The following ZNF431 variants were observed in gnomAD, a reference collection of about 807,000 sequenced individuals.
ZNF431 encodes the protein zinc finger protein 431.
A neutral mutation model predicts 57.0 loss-of-function variants in ZNF431; 34 were observed. That is an observed-to-expected ratio of 0.60 (90% CI 0.45 to 0.79). The LOEUF (loss-of-function observed/expected upper bound fraction) is 0.79. Among genes scored for constraint, ZNF431 ranks in the 30% least tolerant of loss-of-function variants. The pLI, the probability that ZNF431 is intolerant of heterozygous loss-of-function variation, is 0.00. For missense variants in ZNF431, 607 were observed against 667.1 expected (o/e 0.91, Z 0.99); for synonymous variants, 207 against 220.3 (o/e 0.94, Z 0.54).
chr19:21,152,366 T>C (rs2144944413), intron 2 of ZNF431, among the ~76,000 whole-genome samples: 2 of 152,212 alleles, frequency 1.3e-5, no homozygotes. Context: ...AGGAAAGAGA[T>C]TTTTTTCCCA....
chr19:21,181,404 A>G (rs1234583286), intron 4 of ZNF431, among the ~76,000 whole-genome samples: 1 of 152,122 alleles, frequency 6.6e-6, no homozygotes, highest in African/African-American at 2.4e-5. Context: ...CTTTGACTAT[A>G]TCACACAGTT....
rs1205288373 is a variant in ZNF431, at chr19:21,186,796, A to G, written c.*2762A>G. ...TTAGTGCACACAAAATAATCTTTAG[A>G]TGTAATTCCAAAAGTAGTGTATTAA... On this transcript the variant is annotated 3_prime_UTR_variant, in exon 5 of 5. Transcript: ENST00000311048. 6.6e-6 allele frequency: 1 copy of G among 152,182 alleles called. No individual in the cohort carries two copies. Among genetic ancestry groups the G allele is most frequent in the African/African-American group, 2.4e-5 (1 of 41,450 alleles). 9.4% of individuals were successfully genotyped at this position (152,182 alleles called of 1,614,324 possible). A position where few individuals can be genotyped will look rare whatever the true frequency, so the allele number is the denominator to read the frequency against.
Position 21,183,347 on chromosome 19 carries a change from A to T in ZNF431, c.1044A>T (p.Glu348Asp), listed in dbSNP as rs2358962. Residue 348 changes from glutamate to aspartate, a missense_variant, in exon 5 of 5, where the codon GAA becomes GAT. Glu to Asp is a conservative substitution (Grantham distance 45). Coordinates refer to ENST00000311048, the MANE Select transcript of ZNF431 (RefSeq NM_133473.4). ...HAGEKPYKCE[E>D]CDKAFNRFSY... is the part of the protein sequence containing the mutation. ...GAGAGAAACCCTACAAATGTGAGGA[A>T]TGTGACAAAGCTTTTAATCGATTCT... 1 of 1,613,884 alleles carries T rather than the reference A, an allele frequency of 6.2e-7. No homozygotes were observed. The highest frequency in any genetic ancestry group is 8.5e-7 in the Non-Finnish European group (1 of 1,179,886).
chr19:21,167,729 A>AG, intron 4 of ZNF431, 63 bp downstream of exon 4: 1 of 1,071,032 alleles, frequency 9.3e-7, no homozygotes, highest in Non-Finnish European at 1.3e-6. Flanking sequence ...AAAAAAAAAA[A>AG]TGTGCCAGTC....
intron 4 of ZNF431, among the ~76,000 whole-genome samples, chr19:21,167,914 C>T (rs1970769331): frequency 6.6e-6 from 1 of 152,162 alleles, no homozygotes; most frequent in Admixed American, 6.5e-5. Context: ...AGAGCCAAAG[C>T]ATATTGTCAT....
At position 21,184,718 on chromosome 19, in the gene ZNF431, CTG is replaced by C. The variant is rs770641648; in HGVS notation, c.*687_*688del. 5.3e-5 allele frequency: 8 copies of C among 150,456 alleles called. No homozygotes were observed. The highest frequency in any genetic ancestry group is 1.0e-4 in the Non-Finnish European group (7 of 67,768). 9.3% of individuals were successfully genotyped at this position (150,456 alleles called of 1,614,324 possible). On this transcript the variant is annotated 3_prime_UTR_variant, in exon 5 of 5. Coordinates refer to ENST00000311048, the MANE Select transcript of ZNF431 (RefSeq NM_133473.4). ...GAGATAAATTATACAAATATAAAGA[CTG>C]TGAAAAAGCCATCATTATCTGCTCA...
rs1971521279 is a variant in ZNF431 at position 21,192,085 on chromosome 19, C to G, written c.*8051C>G. The G allele has an allele frequency of 6.6e-6, 1 of 152,018 alleles. No individual in the cohort carries two copies. The highest frequency in any genetic ancestry group is 1.5e-5 in the Non-Finnish European group (1 of 68,002). The allele number at this position is 152,018 out of a possible 1,614,324, so 9.4% of individuals were successfully genotyped here. A position where few individuals can be genotyped will look rare whatever the true frequency, so the allele number is the denominator to read the frequency against. On this transcript the variant is annotated 3_prime_UTR_variant, in exon 5 of 5. Transcript: ENST00000311048. The stretch of plus-strand genomic sequence containing the variant: ...TGTAGATGTAATTGTTTTTGAATTT[C>G]ATTTTGGGATAGTTATTAATGTAGA...
At chr19:21,144,915 G>A (rs1970039911) in intron 2 of ZNF431, among the ~76,000 whole-genome samples, 1 of 152,166 alleles carries the variant, frequency 6.6e-6, no homozygotes, top group African/African-American at 2.4e-5. Flanking sequence ...TTTATGAGAT[G>A]AAACTTGGTA....
chr19:21,152,218 G>T (rs138740623), intron 2 of ZNF431, among the ~76,000 whole-genome samples: 1 of 152,254 alleles, frequency 6.6e-6, no homozygotes, highest in East Asian at 1.9e-4. Flanking sequence ...TGGTTACTCT[G>T]AGTAATATAA....
chr19:21,175,016 C>G (rs1971011757), intron 4 of ZNF431, among the ~76,000 whole-genome samples: 1 of 152,130 alleles, frequency 6.6e-6, no homozygotes, highest in African/African-American at 2.4e-5. Flanking sequence ...CTTGGCCTCC[C>G]AAAGTGCTGG....
Position 21,154,679 on chromosome 19 carries a change from CTGT to C in ZNF431, c.96+11041_96+11043del, listed in dbSNP as rs879374061. ...TATTTCTCCACATCCTCTCCAGCAC[CTGT>C]TGTTTCCTGACTTTTTAATGATCGC... On this transcript the variant is annotated intron_variant, in intron 2 of 4. Transcript: ENST00000311048. Among the ~76,000 whole-genome samples, 70 of 151,966 alleles carry C rather than the reference CTGT, an allele frequency of 4.6e-4. 1 individual carries two copies. Among genetic ancestry groups the C allele is most frequent in the Admixed American group, 1.6e-3 (25 of 15,254 alleles).
intron 2 of ZNF431, among the ~76,000 whole-genome samples, chr19:21,165,256 A>T (rs766813207): frequency 1.3e-5 from 2 of 152,142 alleles, no homozygotes; most frequent in Admixed American, 6.5e-5. Flanking sequence ...CAAGATTCCT[A>T]CTGGGGAAAA....
intron 4 of ZNF431, among the ~76,000 whole-genome samples, chr19:21,171,065 A>G (rs1970873396): frequency 6.6e-6 from 1 of 152,350 alleles, no homozygotes; most frequent in East Asian, 1.9e-4. Context: ...ATGTAATGCT[A>G]TTCTTTGCTT....
At chr19:21,155,356 C>T (rs949889250) in intron 2 of ZNF431, among the ~76,000 whole-genome samples, 1 of 152,074 alleles carries the variant, frequency 6.6e-6, no homozygotes, top group Non-Finnish European at 1.5e-5. Flanking sequence ...TTTCTGAGGG[C>T]TCTGTTCTGT....
chr19:21,185,918 G>A lies in ZNF431; in HGVS notation c.*1884G>A, dbSNP rs1466602186. The A allele has an allele frequency of 6.6e-6, 1 of 152,020 alleles. No homozygotes were observed. Among genetic ancestry groups the A allele is most frequent in the Non-Finnish European group, 1.5e-5 (1 of 68,010 alleles). The allele number at this position is 152,020 out of a possible 1,614,324, so 9.4% of individuals were successfully genotyped here. A position where few individuals can be genotyped will look rare whatever the true frequency, so the allele number is the denominator to read the frequency against. ...TACAATTAAATTTTTATTTACCACA[G>A]TGTTATTTTTATCGTCATAATAAAA... is the stretch of plus-strand genomic sequence containing the variant. On this transcript the variant is annotated 3_prime_UTR_variant, in exon 5 of 5. Coordinates refer to ENST00000311048, the MANE Select transcript of ZNF431 (RefSeq NM_133473.4).
intron 2 of ZNF431, among the ~76,000 whole-genome samples, chr19:21,147,582 CAA>C (rs1970135481): frequency 7.2e-6 from 1 of 138,804 alleles, no homozygotes; most frequent in African/African-American, 2.7e-5. Flanking sequence ...GTCTGGATGG[CAA>C]AGTCTTAGGG....
At chr19:21,157,233 G>T (rs1432866110) in intron 2 of ZNF431, among the ~76,000 whole-genome samples, 1 of 152,142 alleles carries the variant, frequency 6.6e-6, no homozygotes, top group Non-Finnish European at 1.5e-5. Flanking sequence ...TGCCTCCTGG[G>T]TTCAAGCAAT....
intron 4 of ZNF431, among the ~76,000 whole-genome samples, chr19:21,171,362 C>T (rs538113810): frequency 5.9e-5 from 9 of 151,928 alleles, no homozygotes; most frequent in East Asian, 3.9e-4. Context: ...TCTCTTATTA[C>T]GCAGTTTCTT....
chr19:21,163,443 A>T (rs1161401487), intron 2 of ZNF431, among the ~76,000 whole-genome samples: 7 of 152,174 alleles, frequency 4.6e-5, no homozygotes. Flanking sequence ...TTGGCAGGGG[A>T]CTTGTTTGAA....
Sources: gnomAD v4.1 joint callset for allele counts (sites outside exome capture counted in the v4.1 genomes callset) on GRCh38, gnomAD v4.1.1 for gene constraint, MANE v1.5 for transcripts, NCBI Gene and HGNC (gene_info 2026-07-23, HGNC 2026-07-21) for gene names.